DLGAP2: variants seen among roughly 807,000 people sequenced by gnomAD.
DLGAP2 encodes the protein DLG associated protein 2.
A neutral mutation model predicts 100.3 loss-of-function variants in DLGAP2; 26 were observed. The ratio of observed to expected loss-of-function variants is 0.26; its 90% confidence interval spans 0.19 to 0.36. The LOEUF (loss-of-function observed/expected upper bound fraction) is 0.36, where lower values mean the gene tolerates loss of function less well. Ranked by LOEUF, DLGAP2 falls within the 10% of genes least tolerant of loss-of-function variation. The pLI, the probability that DLGAP2 is intolerant of heterozygous loss-of-function variation, is 1.00. For synonymous variants in DLGAP2, 886 were observed against 630.1 expected (o/e 1.41, Z -6.08); for missense variants, 1,858 against 1,453.2 (o/e 1.28, Z -4.53).
At chr8:1,176,184 T>G (rs7815814) in intron 2 of DLGAP2, among the ~76,000 whole-genome samples, 1 of 152,046 alleles carries the variant, frequency 6.6e-6, no homozygotes, top group Non-Finnish European at 1.5e-5. Context: ...GCAAGGCACG[T>G]GTTACATGGC....
intron 3 of DLGAP2, among the ~76,000 whole-genome samples, chr8:1,449,832 T>TGCGACTGTAGCGGAGCTGTGA (rs1563156248): frequency 7.2e-6 from 1 of 139,592 alleles, no homozygotes; most frequent in African/African-American, 2.7e-5. Context: ...CCTCGGTGGC[T>TGCGACTGTAGCGGAGCTGTGA]GTGACTGTAG....
At chr8:1,186,298 G>A (rs1490088020) in intron 2 of DLGAP2, among the ~76,000 whole-genome samples, 2 of 152,338 alleles carry the variant, frequency 1.3e-5, no homozygotes, top group African/African-American at 2.4e-5. Context: ...CAGATCCAGC[G>A]TACTCACCAT....
chr8:1,066,494 C>G (rs1470479026), intron 2 of DLGAP2, among the ~76,000 whole-genome samples: 1 of 148,244 alleles, frequency 6.7e-6, no homozygotes, highest in Non-Finnish European at 1.5e-5. Context: ...CCACCACGGT[C>G]AGGTCTGAGT....
At chr8:1,486,974 G>T (rs990728480) in intron 3 of DLGAP2, among the ~76,000 whole-genome samples, 1 of 152,148 alleles carries the variant, frequency 6.6e-6, no homozygotes, top group South Asian at 2.1e-4. Context: ...ATTGGGGCCC[G>T]CCAAGCTGCC....
intron 2 of DLGAP2, among the ~76,000 whole-genome samples, chr8:1,156,583 CCCCAGCCCAGCGCCCCAGCCTAGCGT>C (rs1423316817): frequency 6.6e-6 from 1 of 151,896 alleles, no homozygotes; most frequent in Non-Finnish European, 1.5e-5. Context: ...CTGCTCAGCC[CCCCAGCCCAGCGCCCCAGCCTAGCGT>C]CCCAGCCCAG....
chr8:1,561,524 T>G (rs1192056926), intron 5 of DLGAP2, among the ~76,000 whole-genome samples: 4 of 152,132 alleles, frequency 2.6e-5, no homozygotes, highest in Non-Finnish European at 1.5e-5. Context: ...TCCCATCCTG[T>G]CCAACCCTCT....
chr8:1,026,304 C>G lies in DLGAP2; in HGVS notation c.73+118338C>G, dbSNP rs538593367. ...CTTGCCCCATGACCCCAACGCTTTG[C>G]TCTTCACGTCTCCTTTGACAAACCA... On this transcript the variant is annotated intron_variant, in intron 2 of 14. Coordinates refer to ENST00000637795, the MANE Select transcript of DLGAP2 (RefSeq NM_001346810.2). 3.3e-5 allele frequency among the ~76,000 whole-genome samples: 5 copies of G among 152,312 alleles called. No homozygotes were observed. The South Asian group carries it at 1.0e-3, about 32-fold the overall frequency.
chr8:1,641,826 G>C (rs901184404), intron 8 of DLGAP2, among the ~76,000 whole-genome samples: 5 of 152,008 alleles, frequency 3.3e-5, no homozygotes, highest in Admixed American at 6.6e-5. Context: ...CAGGTTTTCA[G>C]ATATTGTGGA....
intron 6 of DLGAP2, among the ~76,000 whole-genome samples, chr8:1,575,363 G>A (rs1044209000): frequency 2.0e-4 from 30 of 152,022 alleles, no homozygotes; most frequent in Admixed American, 2.6e-4. Flanking sequence ...CACAGGTGCA[G>A]ACAGTGGAAT....
chr8:1,458,004 AT>A (rs1414721604), intron 3 of DLGAP2, among the ~76,000 whole-genome samples: 2 of 94,594 alleles, frequency 2.1e-5, no homozygotes, highest in East Asian at 6.5e-4. Context: ...ATATATATAT[AT>A]ATATATATAA....
At chr8:1,562,709 TG>T (rs1331287089) in intron 5 of DLGAP2, among the ~76,000 whole-genome samples, 21 of 25,534 alleles carry the variant, frequency 8.2e-4, no homozygotes, top group Admixed American at 1.0e-3. Context: ...TGTGTGGTGT[TG>T]GGGTGTCCGC....
intron 1 of DLGAP2, among the ~76,000 whole-genome samples, chr8:903,560 G>A (rs1798306664): frequency 6.6e-6 from 1 of 152,108 alleles, no homozygotes; most frequent in African/African-American, 2.4e-5. Context: ...GTCATCGCGA[G>A]GCAGCTTGTT....
intron 2 of DLGAP2, among the ~76,000 whole-genome samples, chr8:1,120,333 C>T (rs79918606): frequency 0.013 from 2,054 of 152,262 alleles, 47 homozygotes; most frequent in African/African-American, 0.047. Context: ...AACATGCGTC[C>T]GAATGAGAAC....
At chr8:1,311,324 C>T (rs746490922) in intron 3 of DLGAP2, among the ~76,000 whole-genome samples, 9 of 152,306 alleles carry the variant, frequency 5.9e-5, no homozygotes, top group East Asian at 5.8e-4. Context: ...GAATCAGATA[C>T]GTTCACTGGT....
intron 2 of DLGAP2, among the ~76,000 whole-genome samples, chr8:1,009,482 T>A (rs1318094749): frequency 6.6e-6 from 1 of 152,226 alleles, no homozygotes; most frequent in Non-Finnish European, 1.5e-5. Flanking sequence ...GCTTCTGACA[T>A]TTTCTTTGAC....
intron 2 of DLGAP2, among the ~76,000 whole-genome samples, chr8:920,874 G>C (rs1798699237): frequency 6.6e-6 from 1 of 152,208 alleles, no homozygotes; most frequent in Non-Finnish European, 1.5e-5. Context: ...ATGAGGGCCG[G>C]GTTTACTGTG....
chr8:845,601 A>G (rs1563060454), intron 1 of DLGAP2, among the ~76,000 whole-genome samples: 1 of 152,142 alleles, frequency 6.6e-6, no homozygotes, highest in Non-Finnish European at 1.5e-5. Context: ...TTCCCATTCT[A>G]TAGGGTGTGT....
At chr8:993,940 C>T (rs1468618941) in intron 2 of DLGAP2, among the ~76,000 whole-genome samples, 1 of 151,756 alleles carries the variant, frequency 6.6e-6, no homozygotes, top group Non-Finnish European at 1.5e-5. Context: ...GGTAATTTTC[C>T]CTTTTTGGTT....
At chr8:1,003,884 A>G (rs986612277) in intron 2 of DLGAP2, among the ~76,000 whole-genome samples, 4 of 152,156 alleles carry the variant, frequency 2.6e-5, no homozygotes, top group African/African-American at 9.7e-5. Context: ...CCATACAGAC[A>G]TTTCTTACTT....
Sources: allele counts gnomAD v4.1 joint callset (sites outside exome capture counted in the v4.1 genomes callset), GRCh38; gene constraint gnomAD v4.1.1; transcripts MANE v1.5; gene names NCBI Gene and HGNC (gene_info 2026-07-23, HGNC 2026-07-21).